SERPINA6: variants seen among roughly 807,000 people sequenced by gnomAD.
SERPINA6 encodes the protein serpin family A member 6, also known as corticosteroid-binding globulin.
SERPINA6 carries 19 observed loss-of-function variants against 26.4 expected under a neutral mutation model. The observed-to-expected ratio is 0.72, with a 90% confidence interval of 0.50 to 1.06. SERPINA6 has a LOEUF of 1.06. Among genes scored for constraint, SERPINA6 ranks in the 50% least tolerant of loss-of-function variants. The pLI, the probability that SERPINA6 is intolerant of heterozygous loss-of-function variation, is 0.00. For missense variants in SERPINA6, 473 were observed against 504.0 expected (o/e 0.94, Z 0.59); for synonymous variants, 196 against 199.4 (o/e 0.98, Z 0.14).
At chr14:94,319,599 A>G (rs1895656520) in intron 1 of SERPINA6, among the ~76,000 whole-genome samples, 1 of 152,256 alleles carries the variant, frequency 6.6e-6, no homozygotes, top group African/African-American at 2.4e-5. Context: ...AAAGTCTGGT[A>G]TAAACATACA....
Position 94,321,743 on chromosome 14 carries a change from C to T in SERPINA6, c.-20+1524G>A, listed in dbSNP as rs566695346. The stretch of plus-strand genomic sequence containing the variant: ...CTTTGAGACTCAGGTCCCAGGTCAC[C>T]GCCTCCAGGAAGCCTTGTATCTGTG... On this transcript the variant is annotated intron_variant, in intron 1 of 4. Coordinates refer to ENST00000341584, the MANE Select transcript of SERPINA6 (RefSeq NM_001756.4). Among the ~76,000 whole-genome samples, 42 of 152,286 alleles carry T rather than the reference C, an allele frequency of 2.8e-4. 1 individual carries two copies. The highest frequency in any genetic ancestry group is 5.0e-4 in the Non-Finnish European group (34 of 68,024).
At chr14:94,315,935 A>C (rs1319369380) in intron 1 of SERPINA6, among the ~76,000 whole-genome samples, 1 of 152,182 alleles carries the variant, frequency 6.6e-6, no homozygotes, top group Non-Finnish European at 1.5e-5. Flanking sequence ...TAGCATCCTA[A>C]AGTTAACACC....
chr14:94,311,929 C>T (rs1566727543), intron 2 of SERPINA6, among the ~76,000 whole-genome samples: 1 of 151,968 alleles, frequency 6.6e-6, no homozygotes. Context: ...GCCTGGGCAA[C>T]TGAGCAAGAC....
chr14:94,313,937 C>T, intron 2 of SERPINA6, 99 bp downstream of exon 2: 7 of 1,281,796 alleles, frequency 5.5e-6, no homozygotes, highest in Non-Finnish European at 8.0e-6. Context: ...ATGTGCTTTA[C>T]AGAATCAAAG....
At chr14:94,310,186 C>T (rs1043923985) in intron 2 of SERPINA6, among the ~76,000 whole-genome samples, 180 bp from the exon 3 acceptor site, 9 of 152,188 alleles carry the variant, frequency 5.9e-5, no homozygotes, top group African/African-American at 1.9e-4. Context: ...CCTGTTTCAT[C>T]CTCTACTTCT....
intron 1 of SERPINA6, among the ~76,000 whole-genome samples, chr14:94,317,096 A>G (rs1406254058): frequency 6.6e-6 from 1 of 152,128 alleles, no homozygotes; most frequent in African/African-American, 2.4e-5. Context: ...TATATATCCT[A>G]TAGATTCTGT....
At chr14:94,313,623 G>A (rs1282211873) in intron 2 of SERPINA6, among the ~76,000 whole-genome samples, 1 of 152,188 alleles carries the variant, frequency 6.6e-6, no homozygotes, top group Non-Finnish European at 1.5e-5. Flanking sequence ...ACTGAAGCAG[G>A]ACCTGGTCAG....
intron 1 of SERPINA6, among the ~76,000 whole-genome samples, chr14:94,321,156 T>C (rs975410295): frequency 1.3e-5 from 2 of 152,180 alleles, no homozygotes; most frequent in Non-Finnish European, 2.9e-5. Flanking sequence ...TATTCTCCAG[T>C]GCCTCTGCAC....
At chr14:94,310,101 C>T in intron 2 of SERPINA6, 95 bp from the exon 3 acceptor site, 2 of 1,303,630 alleles carry the variant, frequency 1.5e-6, no homozygotes, top group Non-Finnish European at 2.2e-6. Context: ...CAGTGGCCTT[C>T]TGCATGCTTG....
chr14:94,315,697 C>T (rs1895604879), intron 1 of SERPINA6, among the ~76,000 whole-genome samples: 2 of 152,126 alleles, frequency 1.3e-5, no homozygotes, highest in Admixed American at 6.5e-5. Flanking sequence ...GGGGTGACTA[C>T]ACTAATATTA....
chr14:94,317,820 T>G (rs1288911122), intron 1 of SERPINA6, among the ~76,000 whole-genome samples: 1 of 152,176 alleles, frequency 6.6e-6, no homozygotes, highest in African/African-American at 2.4e-5. Flanking sequence ...TCTCACTACT[T>G]TTACCTAATA....
intron 3 of SERPINA6, among the ~76,000 whole-genome samples, chr14:94,309,513 A>T (rs1029986599): frequency 6.6e-6 from 1 of 152,242 alleles, no homozygotes; most frequent in African/African-American, 2.4e-5. Flanking sequence ...TCACTCTGTG[A>T]AATGCCCCAA....
chr14:94,310,670 G>A (rs965996709), intron 2 of SERPINA6, among the ~76,000 whole-genome samples: 11 of 152,218 alleles, frequency 7.2e-5, no homozygotes, highest in African/African-American at 2.6e-4. Context: ...AGCTCTGATG[G>A]GAAGAAAATT....
chr14:94,309,997 G>A lies in SERPINA6; in HGVS notation c.623C>T (p.Thr208Ile), dbSNP rs1192077233. Reference sequence around the variant, plus strand: ...GGTGCTTGCCAGGTCAAAGGGCTGTGTCCATGTGCCTAGGAAGAGGAGGAG... The same window carrying A: ...GGTGCTTGCCAGGTCAAAGGGCTGTATCCATGTGCCTAGGAAGAGGAGGAG... ...VNYIFFKGTW[T>I]QPFDLASTRE... Residue 208 changes from threonine (T) to isoleucine (I), a missense_variant, in exon 3 of 5, where the codon ACA becomes ATA. Transcript: ENST00000341584. The A allele has an allele frequency of 6.2e-7, 1 of 1,614,108 alleles. No homozygotes were observed. The highest frequency in any genetic ancestry group is 1.1e-5 in the South Asian group (1 of 91,076).
At chr14:94,317,037 T>C (rs76961279) in intron 1 of SERPINA6, among the ~76,000 whole-genome samples, 5,053 of 152,314 alleles carry the variant, frequency 0.033, 110 homozygotes, top group Non-Finnish European at 0.054. Context: ...TCTCAGCTTC[T>C]GTAATTACAT....
rs904904763 is a variant in SERPINA6, at chr14:94,304,318, T to C, written c.*100A>G. The C allele has an allele frequency of 8.5e-7, 1 of 1,172,728 alleles. No homozygotes were observed. Among genetic ancestry groups the C allele is most frequent in the South Asian group, 1.2e-5 (1 of 81,892 alleles). The allele number at this position is 1,172,728 out of a possible 1,614,324, so 72.6% of individuals were successfully genotyped here. On this transcript the variant is annotated 3_prime_UTR_variant, in exon 5 of 5. Transcript: ENST00000341584. ...CAACTCTGGTTGGAGGGAGAAGAAC[T>C]TGGAGGAGATTGGGGGAAACCTCCC...
intron 3 of SERPINA6, among the ~76,000 whole-genome samples, chr14:94,308,706 C>G (rs974964739): frequency 6.6e-6 from 1 of 152,190 alleles, no homozygotes; most frequent in Non-Finnish European, 1.5e-5. Context: ...AGCAGGGCTG[C>G]GCACTTGCAT....
intron 1 of SERPINA6, among the ~76,000 whole-genome samples, chr14:94,320,100 T>C (rs951296009): frequency 1.3e-5 from 2 of 152,160 alleles, no homozygotes; most frequent in Non-Finnish European, 2.9e-5. Context: ...CCCTGTGCTG[T>C]GTGGAGCTAC....
rs187253929 is a variant in SERPINA6, at chr14:94,314,318, G to A, written c.331C>T (p.His111Tyr). The A allele has an allele frequency of 4.3e-5, 70 of 1,614,202 alleles. No individual in the cohort carries two copies. The Admixed American group carries it at 7.8e-4, about 18-fold the overall frequency. Residue 111 changes from histidine (H) to tyrosine (Y), a missense_variant, in exon 2 of 5, where the codon CAC becomes TAC. By Grantham distance (83) the His-to-Tyr change is moderately conservative. Coordinates refer to ENST00000341584, the MANE Select transcript of SERPINA6 (RefSeq NM_001756.4). ...GACTTTGCAAAGAGTTGGTGCAGGT[G>A]CTGGAAACCCTGGTGGATCTCAGTC... ...SETEIHQGFQ[H>Y]LHQLFAKSDT...
Sources: allele counts gnomAD v4.1 joint callset (sites outside exome capture counted in the v4.1 genomes callset), GRCh38; gene constraint gnomAD v4.1.1; transcripts MANE v1.5; gene names NCBI Gene and HGNC (gene_info 2026-07-23, HGNC 2026-07-21).